The following S100A10 variants were observed in gnomAD, a reference collection of about 807,000 sequenced individuals.
S100A10 encodes the protein S100 calcium binding protein A10, also known as protein S100-A10.
A neutral mutation model predicts 7.1 loss-of-function variants in S100A10; 3 were observed. The observed-to-expected ratio is 0.42, with a 90% CI of 0.19 to 1.10. The LOEUF is 1.10. Ranked by LOEUF, S100A10 falls within the 50% of genes least tolerant of loss-of-function variation. S100A10 has a pLI of 0.29. For synonymous variants in S100A10, 41 were observed against 39.3 expected, an observed-to-expected ratio of 1.04 and a Z score of -0.16; for missense variants, 101 against 118.1, an observed-to-expected ratio of 0.86 and a Z score of 0.67.
intron 1 of S100A10, among the ~76,000 whole-genome samples, chr1:151,988,002 C>T (rs1450321486): frequency 6.6e-6 from 1 of 152,198 alleles, no homozygotes; most frequent in Middle Eastern, 3.2e-3. Flanking sequence ...TGAGGGCCTC[C>T]TATGTTTTTA....
intron 1 of S100A10, among the ~76,000 whole-genome samples, chr1:151,990,600 A>G (rs1342460508): frequency 1.3e-5 from 2 of 152,162 alleles, no homozygotes; most frequent in African/African-American, 4.8e-5. Flanking sequence ...GAGGAATTCA[A>G]TTTTCCATTT....
chr1:151,984,642 G>A lies in S100A10; in HGVS notation c.133-1318C>T, dbSNP rs2932589. On this transcript the variant is annotated intron_variant, in intron 2 of 2. Transcript: ENST00000368811. ...GGAAGAAAGGGTCTGTGTCTTACAT[G>A]ATACTCACTCTGGCTCTTAACAACA... 2.2e-3 allele frequency among the ~76,000 whole-genome samples: 329 copies of A among 152,294 alleles called. 3 individuals are homozygous for A. Among genetic ancestry groups the A allele is most frequent in the African/African-American group, 7.7e-3 (318 of 41,556 alleles).
chr1:151,990,314 T>C lies in S100A10; in HGVS notation c.-22+3438A>G, dbSNP rs556505778. On this transcript the variant is annotated intron_variant, in intron 1 of 2. Coordinates refer to ENST00000368811, the MANE Select transcript of S100A10 (RefSeq NM_002966.3). ...AGTCAGAATGACATGACTGTGCTCC[T>C]TCTCTTCTAACACTTGCTATTTTCT... Among the ~76,000 whole-genome samples, 13 of 152,270 alleles carry C rather than the reference T, an allele frequency of 8.5e-5. 1 individual carries two copies. In the East Asian group the frequency reaches 2.5e-3, roughly 29 times the overall value.
intron 1 of S100A10, among the ~76,000 whole-genome samples, chr1:151,988,392 T>A (rs1454798017): frequency 6.6e-6 from 1 of 152,212 alleles, no homozygotes; most frequent in Non-Finnish European, 1.5e-5. Flanking sequence ...GCTGAAGAGC[T>A]CTAATGGGAA....
At chr1:151,990,213 G>C (rs12083193) in intron 1 of S100A10, among the ~76,000 whole-genome samples, 45,607 of 152,100 alleles carry the variant, frequency 0.3, 7,154 homozygotes, top group South Asian at 0.54. Context: ...AACTATGAAC[G>C]GAACAGTAGA....
intron 1 of S100A10, among the ~76,000 whole-genome samples, chr1:151,991,696 C>A (rs1167613920): frequency 4.6e-5 from 7 of 152,174 alleles, no homozygotes; most frequent in Non-Finnish European, 1.0e-4. Context: ...ACATTATAAT[C>A]CTGAAAGAAT....
rs113045103 is a variant in S100A10 at position 151,987,099 on chromosome 1, T to C, written c.-21-848A>G. Among the ~76,000 whole-genome samples, 1,269 of 146,860 alleles carry C rather than the reference T, an allele frequency of 8.6e-3. 27 individuals are homozygous for C. The highest frequency in any genetic ancestry group is 0.031 in the African/African-American group (1,217 of 39,754). On this transcript the variant is annotated intron_variant, in intron 1 of 2. Coordinates refer to ENST00000368811, the MANE Select transcript of S100A10 (RefSeq NM_002966.3). Reference sequence around the variant, plus strand: ...TTGCCCAGGCTGGAGTGCAGTGTTGTGATCTTGGCTCACTGCAACCTCCGC... The same window carrying C: ...TTGCCCAGGCTGGAGTGCAGTGTTGCGATCTTGGCTCACTGCAACCTCCGC...
At chr1:151,987,225 C>G (rs557702227) in intron 1 of S100A10, among the ~76,000 whole-genome samples, 1 of 151,938 alleles carries the variant, frequency 6.6e-6, no homozygotes, top group South Asian at 2.1e-4. Context: ...AGGCTGGTCT[C>G]AAACTCCTGA....
chr1:151,991,372 G>A (rs1346560427), intron 1 of S100A10, among the ~76,000 whole-genome samples: 1 of 152,120 alleles, frequency 6.6e-6, no homozygotes, highest in Non-Finnish European at 1.5e-5. Context: ...CAATTCAATA[G>A]GAAGAAAGAA....
intron 1 of S100A10, among the ~76,000 whole-genome samples, chr1:151,990,050 T>A (rs1007990271): frequency 5.3e-5 from 8 of 152,242 alleles, no homozygotes; most frequent in Non-Finnish European, 1.2e-4. Context: ...ACTATATAAC[T>A]GTTATGTGCA....
At chr1:151,990,243 C>A (rs1342067919) in intron 1 of S100A10, among the ~76,000 whole-genome samples, 1 of 152,194 alleles carries the variant, frequency 6.6e-6, no homozygotes, top group African/African-American at 2.4e-5. Context: ...CAGGAGTGCA[C>A]ATTCCATACG....
At chr1:151,991,014 T>C (rs952937998) in intron 1 of S100A10, among the ~76,000 whole-genome samples, 1 of 152,222 alleles carries the variant, frequency 6.6e-6, no homozygotes, top group Non-Finnish European at 1.5e-5. Flanking sequence ...AGATCCCGGC[T>C]GCAGTTTCAA....
At chr1:151,988,707 T>C (rs1392345433) in intron 1 of S100A10, among the ~76,000 whole-genome samples, 1 of 152,162 alleles carries the variant, frequency 6.6e-6, no homozygotes, top group African/African-American at 2.4e-5. Context: ...ACCACACCCT[T>C]TTCCTTCTCT....
intron 2 of S100A10, among the ~76,000 whole-genome samples, chr1:151,984,664 AAC>A (rs1655754938): frequency 6.6e-6 from 1 of 152,210 alleles, no homozygotes; most frequent in African/African-American, 2.4e-5. Context: ...GGCTCTTAAC[AAC>A]ACTCTTAACA....
chr1:151,984,274 A>G (rs1337980864), intron 2 of S100A10: 1 of 152,210 alleles, frequency 6.6e-6, no homozygotes, highest in Non-Finnish European at 1.5e-5. Flanking sequence ...CAGTGTTTCA[A>G]GTGTGCTAGA....
intron 1 of S100A10, among the ~76,000 whole-genome samples, chr1:151,990,841 C>A (rs899350133): frequency 1.3e-5 from 2 of 152,120 alleles, no homozygotes; most frequent in Non-Finnish European, 2.9e-5. Flanking sequence ...AGCAGGGTCC[C>A]AATAGCCAGT....
intron 2 of S100A10, among the ~76,000 whole-genome samples, chr1:151,984,644 T>G (rs968081718): frequency 1.3e-5 from 2 of 152,204 alleles, no homozygotes; most frequent in Non-Finnish European, 2.9e-5. Flanking sequence ...TCTTACATGA[T>G]ACTCACTCTG....
chr1:151,985,342 T>A (rs1392137785), intron 2 of S100A10: 1 of 152,220 alleles, frequency 6.6e-6, no homozygotes, highest in African/African-American at 2.4e-5. Flanking sequence ...GAACCTGGAA[T>A]ATAAAAGGAC....
chr1:151,992,431 C>T (rs1289713475), intron 1 of S100A10: 4 of 152,190 alleles, frequency 2.6e-5, no homozygotes, highest in Admixed American at 6.5e-5. Flanking sequence ...AGCGGTCTCG[C>T]CAAGGCCCTG....
Sources: gnomAD v4.1 joint callset for allele counts (sites outside exome capture counted in the v4.1 genomes callset) on GRCh38, gnomAD v4.1.1 for gene constraint, MANE v1.5 for transcripts, NCBI Gene and HGNC (gene_info 2026-07-23, HGNC 2026-07-21) for gene names.